Variants in GRIK1 observed in about 807,000 individuals in gnomAD.
GRIK1 encodes glutamate receptor ionotropic, kainate 1.
Under a neutral mutation model 105.7 loss-of-function variants are expected in GRIK1, and 69 were observed. The observed-to-expected ratio is 0.65, with a 90% CI of 0.54 to 0.80. The LOEUF (loss-of-function observed/expected upper bound fraction) is 0.80. Among genes scored for constraint, GRIK1 ranks in the 30% least tolerant of loss-of-function variants. The pLI, the probability that GRIK1 is intolerant of heterozygous loss-of-function variation, is 0.00. For synonymous variants in GRIK1, 438 were observed against 431.3 expected (o/e 1.02, Z -0.19); for missense variants, 1,109 against 1,167.3 (o/e 0.95, Z 0.73).
At chr21:29,766,115 C>T (rs1173646874) in intron 1 of GRIK1, among the ~76,000 whole-genome samples, 1 of 152,076 alleles carries the variant, frequency 6.6e-6, no homozygotes, top group African/African-American at 2.4e-5. Context: ...TCCAAAAGTG[C>T]TGGGATTACA....
intron 7 of GRIK1, among the ~76,000 whole-genome samples, chr21:29,614,132 T>C (rs1451932527): frequency 6.6e-6 from 1 of 152,092 alleles, no homozygotes; most frequent in Non-Finnish European, 1.5e-5. Flanking sequence ...ACTAGCCTGG[T>C]GATAGATTCC....
At chr21:29,889,597 A>G (rs1443077647) in intron 1 of GRIK1, among the ~76,000 whole-genome samples, 9 of 151,960 alleles carry the variant, frequency 5.9e-5, no homozygotes, top group Non-Finnish European at 2.9e-5. Flanking sequence ...ATTGCACCCT[A>G]TAAATCTTTT....
intron 13 of GRIK1, among the ~76,000 whole-genome samples, chr21:29,580,118 T>TAC (rs1281703767): frequency 2.1e-4 from 30 of 144,838 alleles, no homozygotes; most frequent in African/African-American, 7.5e-4. Context: ...TATACATATA[T>TAC]ACACATATAC....
At chr21:29,803,355 G>C (rs2066766284) in intron 1 of GRIK1, among the ~76,000 whole-genome samples, 1 of 152,120 alleles carries the variant, frequency 6.6e-6, no homozygotes. Flanking sequence ...ATACATCTAA[G>C]TGCCAAAGTA....
chr21:29,832,414 C>T (rs2067668279), intron 1 of GRIK1, among the ~76,000 whole-genome samples: 1 of 152,172 alleles, frequency 6.6e-6, no homozygotes, highest in African/African-American at 2.4e-5. Context: ...AGAAGTTCTC[C>T]ATGAGGGCTC....
intron 1 of GRIK1, among the ~76,000 whole-genome samples, chr21:29,781,229 A>G (rs1221588377): frequency 6.6e-6 from 1 of 152,062 alleles, no homozygotes; most frequent in Admixed American, 6.5e-5. Context: ...TTGCAACTTT[A>G]TACTTCTTTG....
chr21:29,824,750 G>A (rs963370450), intron 1 of GRIK1, among the ~76,000 whole-genome samples: 15 of 152,012 alleles, frequency 9.9e-5, no homozygotes, highest in African/African-American at 3.6e-4. Flanking sequence ...CTAGGTCATG[G>A]TAAGGATTTC....
chr21:29,555,615 T>A (rs540859234), intron 15 of GRIK1, among the ~76,000 whole-genome samples: 1 of 152,266 alleles, frequency 6.6e-6, no homozygotes, highest in East Asian at 1.9e-4. Flanking sequence ...TTTTCACATG[T>A]CAAGAGATTT....
chr21:29,673,268 G>T, intron 3 of GRIK1, 104 bp from the exon 4 acceptor site: 1 of 669,186 alleles, frequency 1.5e-6, no homozygotes, highest in Non-Finnish European at 2.5e-6. Flanking sequence ...ATACCCAGTG[G>T]CCACCTTCCT....
intron 1 of GRIK1, among the ~76,000 whole-genome samples, chr21:29,932,521 T>G: frequency 6.6e-6 from 1 of 152,110 alleles, no homozygotes; most frequent in East Asian, 1.9e-4. Flanking sequence ...TTCTTTCCTT[T>G]TTAAAAATTT....
At chr21:29,809,779 G>A (rs993273960) in intron 1 of GRIK1, among the ~76,000 whole-genome samples, 3 of 152,148 alleles carry the variant, frequency 2.0e-5, no homozygotes, top group Non-Finnish European at 4.4e-5. Context: ...TTTTAAGTAA[G>A]AGATGTATAA....
chr21:29,860,479 G>A (rs1404952267), intron 1 of GRIK1, among the ~76,000 whole-genome samples: 4 of 152,212 alleles, frequency 2.6e-5, no homozygotes, highest in African/African-American at 9.6e-5. Context: ...AGATCTGCAA[G>A]CCCTCACCTG....
rs34939329 is a variant in GRIK1 at position 29,550,107 on chromosome 21, C to CAAAAAA, written c.2607+4939_2607+4944dup. Among the ~76,000 whole-genome samples, 46 of 53,476 alleles carry CAAAAAA rather than the reference C, an allele frequency of 8.6e-4. 4 individuals are homozygous for CAAAAAA. The highest frequency in any genetic ancestry group is 3.3e-3 in the African/African-American group (39 of 11,738). The allele number at this position is 53,476 out of a possible 152,430, so 35.1% of individuals were successfully genotyped here. ...TGGGCGACAGAGAAAGACTCCATCT[C>CAAAAAA]AAAAAAAAAAAAAAAAAAAAAAAAA... On this transcript the variant is annotated intron_variant, in intron 16 of 17. Transcript: ENST00000327783.
intron 3 of GRIK1, among the ~76,000 whole-genome samples, chr21:29,677,079 G>A (rs1023761547): frequency 1.3e-5 from 2 of 152,138 alleles, no homozygotes; most frequent in African/African-American, 2.4e-5. Context: ...GATATCTGCA[G>A]CTTACTTTCA....
chr21:29,581,355 GA>G, intron 13 of GRIK1, 69 bp downstream of exon 13: 1 of 876,396 alleles, frequency 1.1e-6, no homozygotes, highest in Non-Finnish European at 1.9e-6. Context: ...CTTCATGGTG[GA>G]GTTTACCAGC....
At chr21:29,919,186 T>G (rs1195801034) in intron 1 of GRIK1, among the ~76,000 whole-genome samples, 1 of 152,104 alleles carries the variant, frequency 6.6e-6, no homozygotes, top group African/African-American at 2.4e-5. Flanking sequence ...CACAAGCTGT[T>G]CCTGTCTTCC....
chr21:29,615,761 G>A (rs116436690), intron 7 of GRIK1, among the ~76,000 whole-genome samples: 128 of 152,240 alleles, frequency 8.4e-4, no homozygotes, highest in African/African-American at 2.9e-3. Flanking sequence ...TTTGAAACAT[G>A]AGCCCTTCTC....
chr21:29,748,367 T>A (rs776415158), intron 1 of GRIK1: 1 of 152,248 alleles, frequency 6.6e-6, no homozygotes, highest in African/African-American at 2.4e-5. Context: ...AAAGTCTCCA[T>A]TCTGGACCAC....
chr21:29,690,794 A>T (rs1273355286), intron 2 of GRIK1, among the ~76,000 whole-genome samples: 1 of 152,256 alleles, frequency 6.6e-6, no homozygotes, highest in Non-Finnish European at 1.5e-5. Flanking sequence ...AATTTAGAAT[A>T]TTTAAAATTA....
Sources: gnomAD v4.1 joint callset for allele counts (sites outside exome capture counted in the v4.1 genomes callset) on GRCh38, gnomAD v4.1.1 for gene constraint, MANE v1.5 for transcripts, NCBI Gene and HGNC (gene_info 2026-07-23, HGNC 2026-07-21) for gene names.